The following DLGAP2 variants were observed in gnomAD, a reference collection of about 807,000 sequenced individuals.
DLGAP2 encodes the protein disks large-associated protein 2.
In DLGAP2, 26 loss-of-function variants were observed where a neutral mutation model predicts 100.3. The ratio of observed to expected loss-of-function variants is 0.26; its 90% CI spans 0.19 to 0.36. The LOEUF (loss-of-function observed/expected upper bound fraction) is 0.36, where lower values mean the gene tolerates loss of function less well. Ranked by LOEUF, DLGAP2 falls within the 10% of genes least tolerant of loss-of-function variation. DLGAP2 has a pLI of 1.00. For missense variants in DLGAP2, 1,858 were observed against 1,453.2 expected, an observed-to-expected ratio of 1.28 and a Z score of -4.53; for synonymous variants, 886 against 630.1, an observed-to-expected ratio of 1.41 and a Z score of -6.08.
intron 2 of DLGAP2, among the ~76,000 whole-genome samples, chr8:1,001,486 A>G (rs1384401841): frequency 6.6e-5 from 10 of 152,212 alleles, no homozygotes; most frequent in Admixed American, 6.5e-4. Context: ...ATTATTGATG[A>G]GAGCAAATGC....
intron 2 of DLGAP2, among the ~76,000 whole-genome samples, chr8:1,220,616 C>G (rs4384003): frequency 0.23 from 35,182 of 152,112 alleles, 4,806 homozygotes; most frequent in East Asian, 0.43. Context: ...TCTATTAGGT[C>G]TATTTGGTCA....
At chr8:1,415,109 CAT>C (rs946301247) in intron 3 of DLGAP2, among the ~76,000 whole-genome samples, 4 of 152,236 alleles carry the variant, frequency 2.6e-5, no homozygotes, top group East Asian at 1.9e-4. Context: ...CGTGTACACA[CAT>C]GTGCACACAT....
At chr8:968,845 G>A (rs1371457433) in intron 2 of DLGAP2, among the ~76,000 whole-genome samples, 2 of 152,138 alleles carry the variant, frequency 1.3e-5, no homozygotes, top group Non-Finnish European at 2.9e-5. Context: ...ATGGATCCAC[G>A]TATAATGAAA....
chr8:1,602,886 T>C (rs1217350672), intron 6 of DLGAP2, among the ~76,000 whole-genome samples: 1 of 152,154 alleles, frequency 6.6e-6, no homozygotes, highest in Non-Finnish European at 1.5e-5. Context: ...AAAAGTGAAG[T>C]GTGTAGCACC....
At chr8:1,577,801 G>A (rs544280791) in intron 6 of DLGAP2, among the ~76,000 whole-genome samples, 2 of 152,238 alleles carry the variant, frequency 1.3e-5, no homozygotes, top group East Asian at 3.9e-4. Context: ...ACAGCATGCT[G>A]GGGAACGGGC....
At chr8:1,075,262 T>C (rs1353301585) in intron 2 of DLGAP2, among the ~76,000 whole-genome samples, 1 of 152,104 alleles carries the variant, frequency 6.6e-6, no homozygotes, top group Non-Finnish European at 1.5e-5. Flanking sequence ...GACCCTCTTG[T>C]TGAGGAGCGT....
chr8:1,046,190 C>A (rs1182929416), intron 2 of DLGAP2, among the ~76,000 whole-genome samples: 1 of 152,132 alleles, frequency 6.6e-6, no homozygotes, highest in East Asian at 1.9e-4. Flanking sequence ...GGTTTAATCA[C>A]TTTTATTTTC....
At chr8:1,453,828 C>G (rs1293613763) in intron 3 of DLGAP2, among the ~76,000 whole-genome samples, 1 of 152,230 alleles carries the variant, frequency 6.6e-6, no homozygotes, top group Non-Finnish European at 1.5e-5. Context: ...TGAAGAAAAA[C>G]GCCCCCTCAT....
intron 4 of DLGAP2, among the ~76,000 whole-genome samples, chr8:1,508,656 A>T (rs544405162): frequency 1.3e-5 from 2 of 149,236 alleles, no homozygotes; most frequent in East Asian, 4.1e-4. Context: ...AGACATACGT[A>T]GCAGGCTCAA....
At chr8:919,796 G>T (rs985411626) in intron 2 of DLGAP2, among the ~76,000 whole-genome samples, 1 of 152,242 alleles carries the variant, frequency 6.6e-6, no homozygotes. Context: ...CTGCCATGTG[G>T]CTGTGCTCTC....
At chr8:1,655,054 G>A (rs1022131708) in intron 8 of DLGAP2, among the ~76,000 whole-genome samples, 3 of 152,196 alleles carry the variant, frequency 2.0e-5, no homozygotes, top group African/African-American at 7.2e-5. Flanking sequence ...CATGTTAAAT[G>A]CTGGTGAGAC....
At chr8:763,242 A>T (rs1400459070) in intron 1 of DLGAP2, among the ~76,000 whole-genome samples, 1 of 152,164 alleles carries the variant, frequency 6.6e-6, no homozygotes, top group Non-Finnish European at 1.5e-5. Context: ...GTTAACCCGC[A>T]CTTCCCTTCG....
intron 2 of DLGAP2, among the ~76,000 whole-genome samples, chr8:959,862 A>AT (rs1323530753): frequency 1.3e-5 from 2 of 152,208 alleles, no homozygotes. Context: ...CTCATATAAA[A>AT]TGAGTTTTAT....
chr8:880,151 C>T (rs558472219), intron 1 of DLGAP2, among the ~76,000 whole-genome samples: 1 of 152,160 alleles, frequency 6.6e-6, no homozygotes, highest in South Asian at 2.1e-4. Context: ...TTGTGTTCAC[C>T]TGTGTTCTTG....
At chr8:1,345,105 G>C (rs1395332074) in intron 3 of DLGAP2, among the ~76,000 whole-genome samples, 1 of 139,358 alleles carries the variant, frequency 7.2e-6, no homozygotes, top group Non-Finnish European at 1.6e-5. Flanking sequence ...AATTAGCTTA[G>C]CTGCTTATAT....
intron 1 of DLGAP2, among the ~76,000 whole-genome samples, chr8:791,048 T>C (rs1338922403): frequency 6.6e-6 from 1 of 152,240 alleles, no homozygotes; most frequent in Admixed American, 6.5e-5. Context: ...CGGACCAACA[T>C]GCATTTTTGA....
At chr8:1,655,036 A>G (rs745757173) in intron 8 of DLGAP2, among the ~76,000 whole-genome samples, 1 of 152,244 alleles carries the variant, frequency 6.6e-6, no homozygotes, top group South Asian at 2.1e-4. Context: ...ACTTCATTTT[A>G]CTGTCTACAT....
intron 3 of DLGAP2, among the ~76,000 whole-genome samples, chr8:1,455,933 T>C (rs1335807310): frequency 6.6e-6 from 1 of 152,226 alleles, no homozygotes; most frequent in Non-Finnish European, 1.5e-5. Flanking sequence ...ACTGAGAGGC[T>C]GGATCCGAGG....
intron 2 of DLGAP2, among the ~76,000 whole-genome samples, chr8:948,670 G>A (rs1354507806): frequency 6.6e-6 from 1 of 152,366 alleles, no homozygotes; most frequent in South Asian, 2.1e-4. Context: ...TGGAAATGCC[G>A]CGGCGCTGCC....
Sources: allele counts gnomAD v4.1 joint callset (sites outside exome capture counted in the v4.1 genomes callset), GRCh38; gene constraint gnomAD v4.1.1; transcripts MANE v1.5; gene names NCBI Gene and HGNC (gene_info 2026-07-23, HGNC 2026-07-21).